PLEKHA6: variants seen among roughly 807,000 people sequenced by gnomAD.
PLEKHA6 encodes the protein pleckstrin homology domain-containing family A member 6.
In PLEKHA6, 60 loss-of-function variants were observed where a neutral mutation model predicts 116.7. The observed-to-expected ratio is 0.51, with a 90% CI of 0.42 to 0.64. The LOEUF is 0.64. Ranked by LOEUF, PLEKHA6 falls within the 30% of genes least tolerant of loss-of-function variation. The pLI, the probability that PLEKHA6 is intolerant of heterozygous loss-of-function variation, is 0.00. For synonymous variants in PLEKHA6, 489 were observed against 556.1 expected, an observed-to-expected ratio of 0.88 and a Z score of 1.70; for missense variants, 1,338 against 1,422.7, an observed-to-expected ratio of 0.94 and a Z score of 0.96.
At chr1:204,302,872 A>G (rs567564815) in intron 1 of PLEKHA6, among the ~76,000 whole-genome samples, 1 of 149,974 alleles carries the variant, frequency 6.7e-6, no homozygotes, top group African/African-American at 2.4e-5. Context: ...GCAAAACTCC[A>G]TCTCAAAGAA....
At position 204,314,775 on chromosome 1, in the gene PLEKHA6, G is replaced by A. The variant is rs543850915; in HGVS notation, c.-94-39966C>T. Among the ~76,000 whole-genome samples, 5 of 152,336 alleles carry A rather than the reference G, an allele frequency of 3.3e-5. No individual in the cohort carries two copies. In the East Asian group the frequency reaches 5.8e-4, roughly 18 times the overall value. On this transcript the variant is annotated intron_variant, in intron 1 of 22. Transcript: ENST00000272203. ...CTTACCTCCACAATGGCGCAGGGGC[G>A]GTAGAGATGCTGGTATGGATGCCCA... is the stretch of plus-strand genomic sequence containing the variant.
rs1673779283 is a variant in PLEKHA6, at chr1:204,371,554, G to A, written c.136C>T (p.Gln46Ter). 6.6e-6 allele frequency: 1 copy of A among 152,278 alleles called. No individual in the cohort carries two copies. The highest frequency in any genetic ancestry group is 2.1e-4 in the South Asian group (1 of 4,828). The allele number at this position is 152,278 out of a possible 1,614,324, so 9.4% of individuals were successfully genotyped here. A position where few individuals can be genotyped will look rare whatever the true frequency, so the allele number is the denominator to read the frequency against. ...CCTGGGCAGGAGGTGTGTCCACTCT[G>A]GATGGGTGACTTTGTTCCAGGGTGC... Residue 46 changes from glutamine to a stop codon, truncating the protein, a stop_gained, in exon 2 of 5, where the codon CAG becomes TAG. Coordinates refer to the PLEKHA6 transcript ENST00000564627. LOFTEE classifies it high-confidence loss of function.
chr1:204,313,908 A>G (rs1332728735), intron 1 of PLEKHA6, among the ~76,000 whole-genome samples: 1 of 152,210 alleles, frequency 6.6e-6, no homozygotes, highest in Non-Finnish European at 1.5e-5. Flanking sequence ...CCTAGAACAC[A>G]GAAAAGTGTC....
At chr1:204,269,471 T>G (rs1558109939) in intron 3 of PLEKHA6, among the ~76,000 whole-genome samples, 1 of 145,802 alleles carries the variant, frequency 6.9e-6, no homozygotes, top group Non-Finnish European at 1.5e-5. Context: ...CACACTGCCA[T>G]ACAGATGAGG....
chr1:204,327,088 G>T (rs143621671), intron 1 of PLEKHA6: 2 of 767,820 alleles, frequency 2.6e-6, no homozygotes, highest in Non-Finnish European at 3.2e-6. Context: ...TAGAAACCCT[G>T]CCACTCTCTG....
At chr1:204,258,880 C>A (rs1665713400) in intron 8 of PLEKHA6, among the ~76,000 whole-genome samples, 1 of 152,176 alleles carries the variant, frequency 6.6e-6, no homozygotes, top group Non-Finnish European at 1.5e-5. Context: ...GTGGGTGGAG[C>A]ACTGGGGAGA....
chr1:204,227,225 C>T (rs1660488376), intron 21 of PLEKHA6, among the ~76,000 whole-genome samples: 1 of 152,218 alleles, frequency 6.6e-6, no homozygotes. Context: ...TCATCTCCAA[C>T]CATGGCTCCC....
At chr1:204,353,831 T>G (rs562752396) in intron 1 of PLEKHA6, among the ~76,000 whole-genome samples, 2 of 152,164 alleles carry the variant, frequency 1.3e-5, no homozygotes, top group East Asian at 3.9e-4. Flanking sequence ...ATCACCATAC[T>G]CCCACCCGCA....
At chr1:204,339,167 C>A (rs1672759934) in intron 1 of PLEKHA6, among the ~76,000 whole-genome samples, 4 of 152,218 alleles carry the variant, frequency 2.6e-5, no homozygotes, top group Admixed American at 1.3e-4. Context: ...GGTTGACAGG[C>A]CCCGCTGAGC....
Position 204,244,899 on chromosome 1 carries a change from A to T in PLEKHA6, c.2137T>A (p.Ser713Thr). ...CCAGGCTTGGTGGGGGACCCCTGAG[A>T]GCCCGACACCAGTGAAAAGGGGCTC... ...PLSPFSLVSG[S>T]QGSPTKPGSN... The change falls in exon 15 of 23, where the codon TCT becomes ACT. Residue 713 changes from serine to threonine, a missense_variant. Ser to Thr is a moderately conservative substitution (Grantham distance 58). Around this residue, in one of 3 missense-constraint regions of PLEKHA6, gnomAD observed 1,136 missense variants for 1,163.6 expected, o/e 0.98. Transcript: ENST00000272203. The T allele has an allele frequency of 1.3e-6, 2 of 1,557,626 alleles. No individual in the cohort carries two copies. Among genetic ancestry groups the T allele is most frequent in the Non-Finnish European group, 1.7e-6 (2 of 1,150,168 alleles).
chr1:204,336,526 G>A (rs888933867), intron 1 of PLEKHA6, among the ~76,000 whole-genome samples: 2 of 152,190 alleles, frequency 1.3e-5, no homozygotes, highest in African/African-American at 4.8e-5. Context: ...TTCTAGCTGA[G>A]GCCATCAGGG....
chr1:204,315,953 T>C (rs1177447963), intron 1 of PLEKHA6, among the ~76,000 whole-genome samples: 1 of 152,172 alleles, frequency 6.6e-6, no homozygotes, highest in African/African-American at 2.4e-5. Flanking sequence ...TAACGATAAT[T>C]CTATAAACAT....
chr1:204,276,909 T>G (rs929804470), intron 1 of PLEKHA6: 1 of 152,696 alleles, frequency 6.5e-6, no homozygotes, highest in Non-Finnish European at 1.5e-5. Flanking sequence ...CCCCTCACTC[T>G]GAAGCCCCCG....
chr1:204,369,509 C>T (rs1673734186), intron 2 of PLEKHA6: 1 of 152,252 alleles, frequency 6.6e-6, no homozygotes, highest in South Asian at 2.1e-4. Flanking sequence ...ATAAATAATT[C>T]TGCCACTGTG....
chr1:204,324,365 T>G (rs75367286), intron 1 of PLEKHA6, among the ~76,000 whole-genome samples: 1 of 152,102 alleles, frequency 6.6e-6, no homozygotes, highest in Non-Finnish European at 1.5e-5. Flanking sequence ...CTGAAAAGAT[T>G]TATAAATAGG....
At chr1:204,334,500 G>T (rs1018743585) in intron 1 of PLEKHA6, among the ~76,000 whole-genome samples, 1 of 152,130 alleles carries the variant, frequency 6.6e-6, no homozygotes, top group Non-Finnish European at 1.5e-5. Flanking sequence ...GGTAAAATGC[G>T]ATGGTTTGAT....
rs1238795680 is a variant in PLEKHA6, at chr1:204,329,325, CCA to C, written c.-95+30367_-95+30368del. On this transcript the variant is annotated intron_variant, in intron 1 of 22. Transcript: ENST00000272203. ...TTCATGGGGCCCATGTCTTACCAGT[CCA>C]CAGGGAAGCCAGAACAGGTGGGAGT... is the stretch of plus-strand genomic sequence containing the variant. Among the ~76,000 whole-genome samples, 5 of 152,320 alleles carry C rather than the reference CCA, an allele frequency of 3.3e-5. No individual in the cohort carries two copies. In the East Asian group the frequency reaches 7.7e-4, roughly 23 times the overall value.
rs553454620 is a variant in PLEKHA6 at position 204,339,854 on chromosome 1, A to T, written c.-95+19840T>A. On this transcript the variant is annotated intron_variant, in intron 1 of 22. Coordinates refer to ENST00000272203, the MANE Select transcript of PLEKHA6 (RefSeq NM_014935.5). The stretch of plus-strand genomic sequence containing the variant: ...ATAATATTAAACAAAAAAGAAATTC[A>T]TGACACAAGACACTAGCTACACATC... Among the ~76,000 whole-genome samples the T allele has an allele frequency of 2.6e-5, 4 of 152,356 alleles. No homozygotes were observed. The East Asian group carries it at 5.8e-4, about 22-fold the overall frequency.
intron 1 of PLEKHA6, among the ~76,000 whole-genome samples, chr1:204,337,787 A>G (rs1672704498): frequency 6.6e-6 from 1 of 152,176 alleles, no homozygotes; most frequent in Non-Finnish European, 1.5e-5. Context: ...GGAGGCACGT[A>G]CCACAATAGT....
Sources: gnomAD v4.1 joint callset for allele counts (sites outside exome capture counted in the v4.1 genomes callset) on GRCh38, gnomAD v4.1.1 for gene constraint, gnomAD v4.1.1 regional missense constraint, MANE v1.5 for transcripts, NCBI Gene and HGNC (gene_info 2026-07-23, HGNC 2026-07-21) for gene names.